Variants in CABIN1 observed in about 807,000 individuals in gnomAD.
CABIN1 encodes the protein calcineurin-binding protein cabin-1.
CABIN1 carries 133 observed loss-of-function variants against 227.7 expected under a neutral mutation model. The observed-to-expected ratio is 0.58, with a 90% CI of 0.51 to 0.67. CABIN1 has a LOEUF of 0.67. CABIN1 is among the 30% of genes least tolerant of loss of function. CABIN1 has a pLI of 0.00. For synonymous variants in CABIN1, 1,086 were observed against 1,155.1 expected (o/e 0.94, Z 1.21); for missense variants, 2,408 against 2,852.5 (o/e 0.84, Z 3.55).
chr22:24,166,641 G>A lies in CABIN1; in HGVS notation c.5010G>A (p.Gly1670=), dbSNP rs1262420009. Residue 1670 remains glycine, a splice_region_variant and synonymous_variant, in exon 32 of 37, where the codon GGG becomes GGA. Coordinates refer to ENST00000263119, the MANE Select transcript of CABIN1 (RefSeq NM_012295.4). ...TCTTACCTTTGGTTTCTTTGTAGGGGTCAGAACGCCCAGGGCCCAAGGTCT... is the reference window on the plus strand; with the variant it reads ...TCTTACCTTTGGTTTCTTTGTAGGGATCAGAACGCCCAGGGCCCAAGGTCT... ...LEDTLSELAE[G]SERPGPKVCG... 1.2e-6 allele frequency: 2 copies of A among 1,612,652 alleles called. No individual in the cohort carries two copies. Among genetic ancestry groups the A allele is most frequent in the Admixed American group, 1.7e-5 (1 of 60,004 alleles).
At chr22:24,156,211 T>C (rs1474574433) in intron 29 of CABIN1, 1 of 388,608 alleles carries the variant, frequency 2.6e-6, no homozygotes, top group Admixed American at 4.5e-5. Context: ...CGTCCCCTGG[T>C]GGGCTCTGGC....
intron 4 of CABIN1, among the ~76,000 whole-genome samples, chr22:24,039,687 C>G (rs1261279072): frequency 6.6e-6 from 1 of 152,218 alleles, no homozygotes; most frequent in South Asian, 2.1e-4. Flanking sequence ...GGTCATGTGT[C>G]AGCCTTTTAG....
chr22:24,067,966 GTCCCT>G (rs1381094607), intron 16 of CABIN1, among the ~76,000 whole-genome samples: 2 of 152,052 alleles, frequency 1.3e-5, no homozygotes, highest in Admixed American at 6.6e-5. Context: ...TTGAGTCCTG[GTCCCT>G]TATGCTTCAT....
chr22:24,135,950 T>C (rs1276779608), intron 29 of CABIN1, among the ~76,000 whole-genome samples: 2 of 152,162 alleles, frequency 1.3e-5, no homozygotes, highest in Non-Finnish European at 2.9e-5. Flanking sequence ...CTTGAGATCC[T>C]GAAAGCCCTG....
At chr22:24,051,388 T>C (rs2038323330) in intron 8 of CABIN1, among the ~76,000 whole-genome samples, 1 of 152,094 alleles carries the variant, frequency 6.6e-6, no homozygotes. Context: ...AGTCCATGTT[T>C]TCTCTCTAGG....
At chr22:24,162,063 CAG>C (rs1259595762) in intron 29 of CABIN1, 1 of 152,306 alleles carries the variant, frequency 6.6e-6, no homozygotes, top group Non-Finnish European at 1.5e-5. Context: ...GCTGCAAACA[CAG>C]AAGCCCAGCT....
In CABIN1 at chr22:24,066,634, A is replaced by G. The variant is rs373273849; in HGVS notation, c.2038-353A>G. 4.6e-5 allele frequency among the ~76,000 whole-genome samples: 7 copies of G among 152,270 alleles called. No homozygotes were observed. The East Asian group carries it at 1.4e-3, about 29-fold the overall frequency. ...GGTCCAGGCTTGCTGAGTCTCTGAC[A>G]ACCCGATGTTCCGCAGTTCTGCAAG... On this transcript the variant is annotated intron_variant, in intron 15 of 36. Coordinates refer to ENST00000263119, the MANE Select transcript of CABIN1 (RefSeq NM_012295.4).
intron 26 of CABIN1, among the ~76,000 whole-genome samples, chr22:24,105,735 AC>A: frequency 6.6e-6 from 1 of 152,168 alleles, no homozygotes; most frequent in South Asian, 2.1e-4. Flanking sequence ...CTGCCTCAGA[AC>A]CAGGGGGCCC....
intron 23 of CABIN1, among the ~76,000 whole-genome samples, chr22:24,089,968 C>T (rs955450665): frequency 6.6e-6 from 1 of 152,162 alleles, no homozygotes. Context: ...TTTCCTGAGC[C>T]CCTCTCATGG....
chr22:24,033,223 C>T (rs868739737), intron 1 of CABIN1, among the ~76,000 whole-genome samples: 2 of 152,208 alleles, frequency 1.3e-5, no homozygotes, highest in South Asian at 2.1e-4. Context: ...GAAAGTACTT[C>T]CTTCCTTGCA....
chr22:24,033,484 A>G (rs2036642261), intron 1 of CABIN1, among the ~76,000 whole-genome samples: 1 of 152,194 alleles, frequency 6.6e-6, no homozygotes, highest in African/African-American at 2.4e-5. Context: ...TAATTGATAA[A>G]AGTGGAGCAC....
At chr22:24,116,494 G>C (rs1429139470) in intron 27 of CABIN1, among the ~76,000 whole-genome samples, 2 of 152,174 alleles carry the variant, frequency 1.3e-5, no homozygotes, top group East Asian at 3.8e-4. Context: ...AGGCCACCCT[G>C]GGGGCAGTTG....
rs2047169533 is a variant in CABIN1, at chr22:24,177,259, C to CTT, written c.6206-243_6206-242dup. Among the ~76,000 whole-genome samples, 1 of 152,186 alleles carries CTT rather than the reference C, an allele frequency of 6.6e-6. No homozygotes were observed. The highest frequency in any genetic ancestry group is 1.5e-5 in the Non-Finnish European group (1 of 68,032). ...GGCTCAGGGAGTCTCAGGTCCTGGG[C>CTT]TTTGAGTTCATGGTGTTACTGGGTA... is the stretch of plus-strand genomic sequence containing the variant. On this transcript the variant is annotated intron_variant, in intron 35 of 36. Transcript: ENST00000263119. This position sits in a 1 kb window ranked among gnomAD's most constrained non-coding sequence, Gnocchi z 4.4.
At chr22:24,082,458 C>G (rs1278135152) in intron 19 of CABIN1, among the ~76,000 whole-genome samples, 1 of 152,140 alleles carries the variant, frequency 6.6e-6, no homozygotes, top group Non-Finnish European at 1.5e-5. Context: ...GTCTGACTCC[C>G]ATATATTCTG....
At chr22:24,083,484 C>G (rs13055618) in intron 20 of CABIN1, 95 bp downstream of exon 20, 14,698 of 1,390,876 alleles carry the variant, frequency 0.011, 138 homozygotes, top group Non-Finnish European at 0.011. Context: ...CTTGGCAGTC[C>G]TGCTTGGAGT....
At chr22:24,080,398 G>A (rs2040729727) in intron 19 of CABIN1, among the ~76,000 whole-genome samples, 1 of 152,156 alleles carries the variant, frequency 6.6e-6, no homozygotes, top group Non-Finnish European at 1.5e-5. Flanking sequence ...ACTCTGTAAT[G>A]TTTTATGATA....
At chr22:24,066,517 C>CT (rs1423707067) in intron 15 of CABIN1, among the ~76,000 whole-genome samples, 1 of 152,240 alleles carries the variant, frequency 6.6e-6, no homozygotes, top group Non-Finnish European at 1.5e-5. Context: ...CCTTCAGACT[C>CT]TCCTAGAGTT....
intron 33 of CABIN1, 71 bp from the exon 34 acceptor site, chr22:24,171,642 G>C: frequency 6.3e-7 from 1 of 1,583,098 alleles, no homozygotes; most frequent in Non-Finnish European, 8.7e-7. Context: ...GCACTGGTCG[G>C]CTGGCGGGCA....
chr22:24,064,521 T>TG (rs1349099017), intron 15 of CABIN1, among the ~76,000 whole-genome samples: 16 of 149,762 alleles, frequency 1.1e-4, no homozygotes, highest in African/African-American at 3.0e-4. Flanking sequence ...GGTTTTTTTT[T>TG]TTTTTTTTTT....
Sources: gnomAD v4.1 joint callset for allele counts (sites outside exome capture counted in the v4.1 genomes callset) on GRCh38, gnomAD v4.1.1 for gene constraint, Gnocchi (gnomAD v3.1) non-coding constraint, MANE v1.5 for transcripts, NCBI Gene and HGNC (gene_info 2026-07-23, HGNC 2026-07-21) for gene names.